Variants in ATG13 observed in about 807,000 individuals in gnomAD.
ATG13 encodes autophagy-related protein 13.
In ATG13, 23 loss-of-function variants were observed where a neutral mutation model predicts 65.5. The observed-to-expected ratio is 0.35, with a 90% CI of 0.25 to 0.50. ATG13 has a LOEUF of 0.50. Ranked by LOEUF, ATG13 falls within the 20% of genes least tolerant of loss-of-function variation. The probability of loss-of-function intolerance (pLI) is 0.98; values close to 1 mark genes in which losing one functional copy is unlikely to be tolerated. For synonymous variants in ATG13, 252 were observed against 245.2 expected, an observed-to-expected ratio of 1.03 and a Z score of -0.26; for missense variants, 566 against 677.0, an observed-to-expected ratio of 0.84 and a Z score of 1.82.
intron 11 of ATG13, among the ~76,000 whole-genome samples, chr11:46,660,432 C>T (rs571250206): frequency 3.7e-5 from 5 of 133,536 alleles, no homozygotes; most frequent in Admixed American, 8.1e-5. Context: ...TTTTTTGAGA[C>T]GGAGTCTTGC....
intron 11 of ATG13, among the ~76,000 whole-genome samples, chr11:46,661,185 T>A (rs1043255638): frequency 4.6e-5 from 7 of 152,010 alleles, no homozygotes; most frequent in African/African-American, 1.2e-4. Flanking sequence ...AATTAAAAAA[T>A]TTTTTCCATC....
chr11:46,666,989 C>T (rs7342145), intron 14 of ATG13, among the ~76,000 whole-genome samples: 2,934 of 152,182 alleles, frequency 0.019, 97 homozygotes, highest in African/African-American at 0.067. Flanking sequence ...CCATCCTCTC[C>T]CTTTTCTCCC....
Position 46,664,876 on chromosome 11 carries a change from C to G in ATG13, c.916C>G (p.Pro306Ala). 1 of 1,613,986 alleles carries G rather than the reference C, an allele frequency of 6.2e-7. No individual in the cohort carries two copies. The highest frequency in any genetic ancestry group is 8.5e-7 in the Non-Finnish European group (1 of 1,179,864). Reference protein sequence around the residue: ...QLSSSRLSYQPAALGVGSADL... With the variant: ...QLSSSRLSYQAAALGVGSADL... ...CTCAAGCTCTCGCCTTTCCTATCAG[C>G]CTGCTGCCCTGGGCGTTGGATCAGC... The change falls in exon 13 of 19, where the codon CCT becomes GCT. Residue 306 changes from proline (P) to alanine (A), a missense_variant. Transcript: ENST00000683050.
chr11:46,630,689 A>G (rs1339719490), intron 2 of ATG13, among the ~76,000 whole-genome samples: 1 of 149,502 alleles, frequency 6.7e-6, no homozygotes, highest in Non-Finnish European at 1.5e-5. Flanking sequence ...TGCCTACCTC[A>G]GCCTCCCAGT....
Position 46,667,853 on chromosome 11 carries a change from A to C in ATG13, c.1217A>C (p.Lys406Thr). 1 of 1,612,946 alleles carries C rather than the reference A, an allele frequency of 6.2e-7. No individual in the cohort carries two copies. Among genetic ancestry groups the C allele is most frequent in the East Asian group, 2.2e-5 (1 of 44,824 alleles). ...GTCTTGGAGACCATCTTTGTCCGAA[A>C]AGTGGGGGCTTTTGTCAACAAACCC... ...HDVLETIFVR[K>T]VGAFVNKPIN... Residue 406 changes from lysine to threonine, a missense_variant, in exon 15 of 19, where the codon AAA becomes ACA. Lys to Thr is a moderately conservative substitution (Grantham distance 78, BLOSUM62 -1). Coordinates refer to ENST00000683050, the MANE Select transcript of ATG13 (RefSeq NM_001346311.2).
chr11:46,653,771 A>G (rs916319783), intron 7 of ATG13, among the ~76,000 whole-genome samples: 5 of 151,332 alleles, frequency 3.3e-5, no homozygotes, highest in Non-Finnish European at 7.4e-5. Context: ...GGGTTTCACC[A>G]TGTTAGCCAG....
intron 1 of ATG13, among the ~76,000 whole-genome samples, chr11:46,628,082 CAA>C (rs561371295): frequency 5.0e-4 from 26 of 52,314 alleles, no homozygotes; most frequent in Non-Finnish European, 6.4e-4. Context: ...GACCTTGTCT[CAA>C]AAAAAAAAAA....
At chr11:46,632,416 T>A (rs958229471) in intron 2 of ATG13, 20 of 152,328 alleles carry the variant, frequency 1.3e-4, no homozygotes, top group African/African-American at 3.6e-4. Context: ...TTGAAGAACT[T>A]GCAGAAAAGT....
Position 46,665,440 on chromosome 11 carries a change from G to A in ATG13, c.1057G>A (p.Gly353Ser). The A allele has an allele frequency of 1.9e-6, 3 of 1,614,190 alleles. No homozygotes were observed. The highest frequency in any genetic ancestry group is 2.5e-6 in the Non-Finnish European group (3 of 1,180,022). The change falls in exon 14 of 19, where the codon GGT (glycine) becomes AGT (serine). Residue 353 changes from glycine (G) to serine (S), a missense_variant. Gly to Ser is a moderately conservative substitution (Grantham distance 56, BLOSUM62 0). Coordinates refer to ENST00000683050, the MANE Select transcript of ATG13 (RefSeq NM_001346311.2). ...CCTTGCTCCCAACCAGCCTGTCCAT[G>A]GTACCCAGGCTGACCAGGAGAGACT... ...VPLAPNQPVH[G>S]TQADQERLAT...
In ATG13 at chr11:46,672,730, C is replaced by T. The variant is rs1385304171; in HGVS notation, c.*398C>T. ...CCTGCTGTCACCATCCACTGTTTGA[C>T]ATTCCAGCTGGTGGCCAAGAGATTG... On this transcript the variant is annotated 3_prime_UTR_variant, in exon 19 of 19. Transcript: ENST00000683050. The T allele has an allele frequency of 7.4e-7, 1 of 1,351,320 alleles. No homozygotes were observed. Among genetic ancestry groups the T allele is most frequent in the Non-Finnish European group, 9.8e-7 (1 of 1,025,040 alleles). The allele number at this position is 1,351,320 out of a possible 1,614,324, so 83.7% of individuals were successfully genotyped here.
chr11:46,670,723 T>G (rs947337564), intron 18 of ATG13, among the ~76,000 whole-genome samples: 1 of 152,018 alleles, frequency 6.6e-6, no homozygotes, highest in African/African-American at 2.4e-5. Context: ...GCAGGAGGAT[T>G]GCTTGCTTGA....
At chr11:46,639,797 G>T (rs918694312) in intron 2 of ATG13, among the ~76,000 whole-genome samples, 2 of 151,886 alleles carry the variant, frequency 1.3e-5, no homozygotes, top group Admixed American at 1.3e-4. Context: ...CTGTGGGGGG[G>T]CCTTTAAACT....
chr11:46,663,592 C>T (rs2035288714), intron 11 of ATG13, among the ~76,000 whole-genome samples: 1 of 152,208 alleles, frequency 6.6e-6, no homozygotes, highest in African/African-American at 2.4e-5. Flanking sequence ...AGCCCCGCAT[C>T]CTTACTCATC....
chr11:46,657,793 C>T (rs1007905502), intron 10 of ATG13, among the ~76,000 whole-genome samples, 171 bp downstream of exon 10: 44 of 152,334 alleles, frequency 2.9e-4, no homozygotes, highest in Admixed American at 2.1e-3. Context: ...TCTTTCTGCT[C>T]CCTCTTAGGT....
At chr11:46,658,083 A>AC (rs1317106202) in intron 10 of ATG13, among the ~76,000 whole-genome samples, 1 of 152,076 alleles carries the variant, frequency 6.6e-6, no homozygotes, top group African/African-American at 2.4e-5. Context: ...AAAAAAAAAA[A>AC]GACTTTTCTC....
Position 46,617,704 on chromosome 11 carries a change from T to C in ATG13, c.-256T>C. On this transcript the variant is annotated 5_prime_UTR_variant, in exon 1 of 19. Transcript: ENST00000683050. ...GTGGGTGCGACAACTCGCGGAGTCT[T>C]AGGAGCAAAACGTCTGGGGCCTGCG... 1 of 397,242 alleles carries C rather than the reference T, an allele frequency of 2.5e-6. No individual in the cohort carries two copies. The highest frequency in any genetic ancestry group is 4.4e-6 in the Non-Finnish European group (1 of 225,496). 24.6% of individuals were successfully genotyped at this position (397,242 alleles called of 1,614,324 possible).
intron 5 of ATG13, chr11:46,648,658 TC>T (rs2058237321): frequency 6.6e-6 from 1 of 151,790 alleles, no homozygotes; most frequent in South Asian, 2.1e-4. Flanking sequence ...GCGCCTGTAG[TC>T]CCAGCTATTT....
At position 46,672,735 on chromosome 11, in the gene ATG13, C is replaced by T. The variant is rs770280348; in HGVS notation, c.*403C>T. On this transcript the variant is annotated 3_prime_UTR_variant, in exon 19 of 19. Transcript: ENST00000683050. Reference sequence around the variant, plus strand: ...TGTCACCATCCACTGTTTGACATTCCAGCTGGTGGCCAAGAGATTGGTGTG... The same window carrying T: ...TGTCACCATCCACTGTTTGACATTCTAGCTGGTGGCCAAGAGATTGGTGTG... The T allele has an allele frequency of 1.5e-6, 2 of 1,337,068 alleles. No individual in the cohort carries two copies. Among genetic ancestry groups the T allele is most frequent in the South Asian group, 1.2e-5 (1 of 86,884 alleles). The allele number at this position is 1,337,068 out of a possible 1,614,324, so 82.8% of individuals were successfully genotyped here.
chr11:46,668,311 G>T (rs1184862079), intron 15 of ATG13, among the ~76,000 whole-genome samples, 188 bp from the exon 16 acceptor site: 6 of 152,194 alleles, frequency 3.9e-5, no homozygotes, highest in Admixed American at 2.6e-4. Context: ...TATGCTGTGG[G>T]TGTATGTGAT....
Sources: gnomAD v4.1 joint callset for allele counts (sites outside exome capture counted in the v4.1 genomes callset) on GRCh38, gnomAD v4.1.1 for gene constraint, MANE v1.5 for transcripts, NCBI Gene and HGNC (gene_info 2026-07-23, HGNC 2026-07-21) for gene names.